Variants in RAB10 observed in about 807,000 individuals in gnomAD.
RAB10 encodes RAB10, member RAS oncogene family, also known as ras-related protein Rab-10.
A neutral mutation model predicts 25.7 loss-of-function variants in RAB10; 5 were observed. The observed-to-expected ratio is 0.19, with a 90% CI of 0.10 to 0.41. The LOEUF is 0.41. Ranked by LOEUF, RAB10 falls within the 10% of genes least tolerant of loss-of-function variation. RAB10 has a pLI of 1.00. For synonymous variants in RAB10, 89 were observed against 86.4 expected (o/e 1.03, Z -0.16); for missense variants, 103 against 245.8 (o/e 0.42, Z 3.89).
intron 3 of RAB10, among the ~76,000 whole-genome samples, chr2:26,111,402 C>T (rs1574557071): frequency 6.6e-6 from 1 of 151,982 alleles, no homozygotes; most frequent in Non-Finnish European, 1.5e-5. Flanking sequence ...GTCAGGAGTT[C>T]GAGACCAGCC....
intron 1 of RAB10, among the ~76,000 whole-genome samples, chr2:26,071,937 G>C (rs1666634914): frequency 6.6e-6 from 1 of 152,006 alleles, no homozygotes; most frequent in African/African-American, 2.4e-5. Flanking sequence ...CAGCTTTTCT[G>C]TACATACTCT....
At chr2:26,086,219 G>T (rs1218790226) in intron 1 of RAB10, among the ~76,000 whole-genome samples, 1 of 152,092 alleles carries the variant, frequency 6.6e-6, no homozygotes, top group Non-Finnish European at 1.5e-5. Flanking sequence ...TTGGGAGGCT[G>T]AGGCTGCGGT....
intron 1 of RAB10, among the ~76,000 whole-genome samples, chr2:26,047,334 T>C (rs909572800): frequency 3.9e-5 from 6 of 152,076 alleles, no homozygotes; most frequent in Non-Finnish European, 7.4e-5. Context: ...CCTTTTGGGA[T>C]TGGCTCCCCC....
chr2:26,077,969 A>C (rs995639476), intron 1 of RAB10, among the ~76,000 whole-genome samples: 2 of 151,990 alleles, frequency 1.3e-5, no homozygotes, highest in Admixed American at 1.3e-4. Flanking sequence ...ACAGAACGAG[A>C]CTCCGTCTAA....
intron 1 of RAB10, among the ~76,000 whole-genome samples, chr2:26,096,832 A>G (rs1252276517): frequency 6.6e-6 from 1 of 152,204 alleles, no homozygotes; most frequent in Non-Finnish European, 1.5e-5. Flanking sequence ...AATTTTCACT[A>G]TAATTTCTTT....
At chr2:26,067,442 C>G (rs1666538334) in intron 1 of RAB10, among the ~76,000 whole-genome samples, 1 of 152,104 alleles carries the variant, frequency 6.6e-6, no homozygotes, top group African/African-American at 2.4e-5. Flanking sequence ...CATATTTTTT[C>G]CATGTTTCCT....
At chr2:26,071,539 T>C (rs545562566) in intron 1 of RAB10, among the ~76,000 whole-genome samples, 1 of 152,138 alleles carries the variant, frequency 6.6e-6, no homozygotes, top group African/African-American at 2.4e-5. Context: ...AATACAAAAA[T>C]TAGCCAGACA....
chr2:26,115,799 C>G (rs1445560473), intron 3 of RAB10, among the ~76,000 whole-genome samples: 2 of 151,098 alleles, frequency 1.3e-5, no homozygotes, highest in Non-Finnish European at 2.9e-5. Context: ...CCTTTCCTTA[C>G]AATTACAGTT....
At chr2:26,108,976 A>G (rs1372960532) in intron 2 of RAB10, among the ~76,000 whole-genome samples, 1 of 151,780 alleles carries the variant, frequency 6.6e-6, no homozygotes, top group Non-Finnish European at 1.5e-5. Flanking sequence ...TAGTGGCACC[A>G]TCTTGGCTCA....
At chr2:26,059,377 G>GTTC (rs1363496280) in intron 1 of RAB10, among the ~76,000 whole-genome samples, 1 of 152,188 alleles carries the variant, frequency 6.6e-6, no homozygotes, top group Non-Finnish European at 1.5e-5. Context: ...AGAGACAGAT[G>GTTC]TATCAAATAA....
intron 1 of RAB10, among the ~76,000 whole-genome samples, chr2:26,076,949 A>G (rs928201166): frequency 1.1e-4 from 16 of 142,754 alleles, no homozygotes; most frequent in Non-Finnish European, 1.5e-4. Flanking sequence ...AAAAAAGAGA[A>G]AAAAAAAAAA....
intron 5 of RAB10, 73 bp from the exon 6 acceptor site, chr2:26,134,865 A>T: frequency 8.4e-7 from 1 of 1,197,272 alleles, no homozygotes. Context: ...ACATAAGAAT[A>T]TTCCTGTTGA....
chr2:26,131,049 A>C (rs1227757194), intron 5 of RAB10, among the ~76,000 whole-genome samples: 1 of 144,668 alleles, frequency 6.9e-6, no homozygotes, highest in African/African-American at 2.6e-5. Flanking sequence ...TTTTTTTTGA[A>C]TAGTGCTATA....
chr2:26,066,777 A>ATTTTTTTTTTTTT (rs3065544), intron 1 of RAB10, among the ~76,000 whole-genome samples: 28 of 110,234 alleles, frequency 2.5e-4, no homozygotes, highest in African/African-American at 9.1e-4. Context: ...CATGCCATCA[A>ATTTTTTTTTTTTT]TTTTTTTTTT....
intron 1 of RAB10, among the ~76,000 whole-genome samples, chr2:26,038,078 G>T (rs1303487787): frequency 6.6e-6 from 1 of 151,690 alleles, no homozygotes; most frequent in East Asian, 1.9e-4. Flanking sequence ...TAGAGACGGG[G>T]TTTCACCATG....
chr2:26,124,692 A>G (rs1174610957), intron 3 of RAB10, among the ~76,000 whole-genome samples: 3 of 151,942 alleles, frequency 2.0e-5, no homozygotes, highest in Non-Finnish European at 4.4e-5. Flanking sequence ...TGCAACCGTC[A>G]CCACCATCCA....
chr2:26,036,986 T>C (rs1257602517), intron 1 of RAB10, among the ~76,000 whole-genome samples: 1 of 151,958 alleles, frequency 6.6e-6, no homozygotes, highest in Non-Finnish European at 1.5e-5. Flanking sequence ...GGTTTCACCA[T>C]GTTGGTCAGG....
At position 26,105,814 on chromosome 2, in the gene RAB10, C is replaced by T. The variant is rs149156981; in HGVS notation, c.189-3954C>T. Among the ~76,000 whole-genome samples, 28 of 152,210 alleles carry T rather than the reference C, an allele frequency of 1.8e-4. No individual in the cohort carries two copies. In the East Asian group the frequency reaches 5.4e-3, roughly 29 times the overall value. On this transcript the variant is annotated intron_variant, in intron 2 of 5. Coordinates refer to ENST00000264710, the MANE Select transcript of RAB10 (RefSeq NM_016131.5). Reference sequence around the variant, plus strand: ...TTACTGTACCTTTTCTATGTTTTGACATATTTAGATACACAAATACTTATT... The same window carrying T: ...TTACTGTACCTTTTCTATGTTTTGATATATTTAGATACACAAATACTTATT...
intron 1 of RAB10, among the ~76,000 whole-genome samples, chr2:26,040,321 T>G (rs1481847052): frequency 6.6e-6 from 1 of 152,102 alleles, no homozygotes; most frequent in Non-Finnish European, 1.5e-5. Flanking sequence ...CTGGCTGTGT[T>G]GTTTTTAAAA....
Sources: allele counts gnomAD v4.1 joint callset (sites outside exome capture counted in the v4.1 genomes callset), GRCh38; gene constraint gnomAD v4.1.1; transcripts MANE v1.5; gene names NCBI Gene and HGNC (gene_info 2026-07-23, HGNC 2026-07-21).